DMD: variants seen among roughly 807,000 people sequenced by gnomAD.
DMD encodes the protein dystrophin.
In DMD, 63 loss-of-function variants were observed where a neutral mutation model predicts 330.1. That is an observed-to-expected ratio of 0.19 (90% CI 0.16 to 0.24). The LOEUF (loss-of-function observed/expected upper bound fraction) is 0.24, where lower values mean the gene tolerates loss of function less well. DMD is among the 10% of genes least tolerant of loss of function. The pLI is 1.00. For synonymous variants in DMD, 1,223 were observed against 959.8 expected, an observed-to-expected ratio of 1.27 and a Z score of -5.07; for missense variants, 3,344 against 2,684.1, an observed-to-expected ratio of 1.25 and a Z score of -5.43.
At chrX:31,317,945 A>C (rs918254588) in intron 62 of DMD, among the ~76,000 whole-genome samples, 2 of 112,473 alleles carry the variant, frequency 1.8e-5, no homozygotes, top group Admixed American at 1.9e-4. Flanking sequence ...GTTAAGGCTA[A>C]GATGTAGTTA....
chrX:32,823,357 T>C lies in DMD; in HGVS notation c.295A>G (p.Ile99Val), dbSNP rs149428656. The stretch of plus-strand genomic sequence containing the variant: ...GTCAGTTTATGATTTCCATCTACGA[T>C]GTCAGTACTTCCAATATTCACTAAA... Reference protein sequence around the residue: ...VDLVNIGSTDIVDGNHKLTLG... With the variant: ...VDLVNIGSTDVVDGNHKLTLG... Residue 99 changes from isoleucine to valine, a missense_variant, in exon 5 of 79, where the codon ATC (isoleucine) becomes GTC (valine). By Grantham distance (29) the Ile-to-Val change is conservative. Coordinates refer to ENST00000357033, the MANE Select transcript of DMD (RefSeq NM_004006.3). 280 of 1,206,699 alleles carry C rather than the reference T, an allele frequency of 2.3e-4. No individual in the cohort carries two copies. The highest frequency in any genetic ancestry group is 3.0e-4 in the Non-Finnish European group (270 of 892,496).
Position 31,180,423 on chromosome X carries a change from G to T in DMD, c.10033C>A (p.Arg3345=). The T allele has an allele frequency of 8.3e-7, 1 of 1,210,252 alleles. No homozygotes were observed. The highest frequency in any genetic ancestry group is 1.8e-5 in the South Asian group (1 of 56,905). ...DICQSCFFSG[R]VAKGHKMHYP... ...TGCATTTTATGGCCTTTTGCAACTC[G>T]ACCAGAAAAAAAGCAGCTTTGGCAG... The change falls in exon 69 of 79, where the codon CGA becomes AGA. Residue 3345 remains arginine, a synonymous_variant. Coordinates refer to ENST00000357033, the MANE Select transcript of DMD (RefSeq NM_004006.3).
intron 43 of DMD, among the ~76,000 whole-genome samples, chrX:32,253,731 C>T (rs2148209969): frequency 9.4e-6 from 1 of 106,262 alleles, no homozygotes; most frequent in East Asian, 3.0e-4. Flanking sequence ...TCAGGAGATT[C>T]TTCTGCCTCA....
chrX:32,644,943 T>G (rs752671657), intron 10 of DMD, 21 bp downstream of exon 10: 1 of 1,207,042 alleles, frequency 8.3e-7, no homozygotes, highest in Non-Finnish European at 1.1e-6. Flanking sequence ...TTTTGTTTTG[T>G]AAATTAACGT....
intron 55 of DMD, chrX:31,508,152 C>A: frequency 2.0e-6 from 2 of 1,000,684 alleles, no homozygotes; most frequent in South Asian, 2.0e-5. Context: ...GTTATGCATT[C>A]AACTTCACTT....
At chrX:32,927,359 CTTTCTTTTT>C (rs1308596528) in intron 2 of DMD, among the ~76,000 whole-genome samples, 1 of 62,161 alleles carries the variant, frequency 1.6e-5, no homozygotes, top group Non-Finnish European at 2.8e-5. Flanking sequence ...TTCCTTCTTT[CTTTCTTTTT>C]TTTTTTTTTT....
rs771882331 is a variant in DMD, at chrX:32,728,606, T to C, written c.650-29313A>G. On this transcript the variant is annotated intron_variant, in intron 7 of 78. Transcript: ENST00000357033. ...TAAATTGTGTTAGCAACAAAGCTTG[T>C]CTTATCAGACATTTCACCTTGGCCT... Among the ~76,000 whole-genome samples the C allele has an allele frequency of 1.3e-3, 141 of 112,427 alleles. 1 individual carries two copies. The highest frequency in any genetic ancestry group is 4.3e-3 in the African/African-American group (133 of 31,069).
chrX:33,107,323 C>G lies in DMD; in HGVS notation c.32-87123G>C, dbSNP rs1208707004. ...GCGAAGCTCTGTCCCCCCCCCCCCC[C>G]CAACACACACAAAAAAAACAGCAAC... On this transcript the variant is annotated intron_variant, in intron 1 of 78. Coordinates refer to ENST00000357033, the MANE Select transcript of DMD (RefSeq NM_004006.3). Among the ~76,000 whole-genome samples, 7 of 74,960 alleles carry G rather than the reference C, an allele frequency of 9.3e-5. 1 individual carries two copies. Among genetic ancestry groups the G allele is most frequent in the East Asian group, 4.0e-4 (1 of 2,489 alleles). The allele number at this position is 74,960 out of a possible 115,157, so 65.1% of individuals were successfully genotyped here.
intron 1 of DMD, among the ~76,000 whole-genome samples, chrX:33,072,335 T>C (rs1456909302): frequency 1.8e-5 from 2 of 111,562 alleles, no homozygotes; most frequent in Non-Finnish European, 3.8e-5. Context: ...GGAGAATCAT[T>C]TGAACCTGGG....
chrX:32,179,707 T>C (rs2147450702), intron 44 of DMD, among the ~76,000 whole-genome samples: 1 of 112,048 alleles, frequency 8.9e-6, no homozygotes, highest in East Asian at 2.8e-4. Flanking sequence ...CCATGTGTCA[T>C]GGGAGTGACC....
intron 41 of DMD, among the ~76,000 whole-genome samples, chrX:32,330,449 G>A (rs1428668028): frequency 1.8e-5 from 2 of 111,891 alleles, no homozygotes; most frequent in African/African-American, 6.5e-5. Context: ...GATGGTGCAA[G>A]TGATTTAATT....
At chrX:32,734,644 A>G (rs2068182449) in intron 7 of DMD, among the ~76,000 whole-genome samples, 1 of 107,992 alleles carries the variant, frequency 9.3e-6, no homozygotes, top group Non-Finnish European at 1.9e-5. Context: ...CAGCATATAA[A>G]CAGAGCCAAA....
rs779351739 is a variant in DMD, at chrX:31,876,247, G to T, written c.6913-874C>A. ...TATCACACATGGGTGATGACGTTGG[G>T]GTTGAAAAAAACATTAAATAGGTTA... On this transcript the variant is annotated intron_variant, in intron 47 of 78. Coordinates refer to ENST00000357033, the MANE Select transcript of DMD (RefSeq NM_004006.3). Among the ~76,000 whole-genome samples, 9 of 112,267 alleles carry T rather than the reference G, an allele frequency of 8.0e-5. No homozygotes were observed. The East Asian group carries it at 2.5e-3, about 31-fold the overall frequency.
chrX:31,440,005 T>C lies in DMD; in HGVS notation c.9084+4476A>G, dbSNP rs144439599. ...CAAGTGTGATTTCTAAGGGGTACAC[T>C]GAACTGGGTTCATTAATCCATTGGT... On this transcript the variant is annotated intron_variant, in intron 60 of 78. Transcript: ENST00000357033. Among the ~76,000 whole-genome samples the C allele has an allele frequency of 1.0e-2, 1,117 of 111,741 alleles. 12 individuals are homozygous for C. Among genetic ancestry groups the C allele is most frequent in the African/African-American group, 0.034 (1,052 of 30,741 alleles).
intron 1 of DMD, among the ~76,000 whole-genome samples, chrX:33,227,290 TA>T (rs905750432): frequency 9.0e-6 from 1 of 111,266 alleles, no homozygotes; most frequent in African/African-American, 3.2e-5. Context: ...AATCCTTTCC[TA>T]ATTTCTTTCT....
At chrX:31,749,631 T>C (rs2088284233) in intron 51 of DMD, among the ~76,000 whole-genome samples, 1 of 109,328 alleles carries the variant, frequency 9.1e-6, no homozygotes, top group Non-Finnish European at 1.9e-5. Context: ...TATAGCAGCA[T>C]GATTTATAGT....
At chrX:31,648,608 A>G (rs1260880467) in intron 54 of DMD, among the ~76,000 whole-genome samples, 3 of 63,381 alleles carry the variant, frequency 4.7e-5, no homozygotes, top group African/African-American at 2.1e-4. Flanking sequence ...ACGGGGTGAA[A>G]GGGAGCTGCA....
chrX:32,944,450 A>G (rs895198437), intron 2 of DMD, among the ~76,000 whole-genome samples: 14 of 111,684 alleles, frequency 1.3e-4, no homozygotes, highest in Admixed American at 1.9e-4. Context: ...CATTGTGTAA[A>G]GCAGGGTTTT....
intron 55 of DMD, among the ~76,000 whole-genome samples, chrX:31,527,109 T>A (rs2147425430): frequency 9.0e-6 from 1 of 111,121 alleles, no homozygotes; most frequent in African/African-American, 3.3e-5. Context: ...GGTATGACCC[T>A]GTCTCCAAAA....
Sources: gnomAD v4.1 joint callset for allele counts (sites outside exome capture counted in the v4.1 genomes callset) on GRCh38, gnomAD v4.1.1 for gene constraint, MANE v1.5 for transcripts, NCBI Gene and HGNC (gene_info 2026-07-23, HGNC 2026-07-21) for gene names.